The following HACE1 variants were observed in gnomAD, a reference collection of about 807,000 sequenced individuals.
HACE1 encodes the protein E3 ubiquitin-protein ligase HACE1.
A neutral mutation model predicts 118.4 loss-of-function variants in HACE1; 73 were observed. That is an observed-to-expected ratio of 0.62 (90% CI 0.51 to 0.75). HACE1 has a LOEUF of 0.75. Among genes scored for constraint, HACE1 ranks in the 30% least tolerant of loss-of-function variants. HACE1 has a pLI of 0.00. For missense variants in HACE1, 749 were observed against 1,102.2 expected (o/e 0.68, Z 4.54); for synonymous variants, 368 against 374.8 (o/e 0.98, Z 0.21).
At chr6:104,825,468 A>T (rs966072243) in intron 6 of HACE1, among the ~76,000 whole-genome samples, 3 of 151,808 alleles carry the variant, frequency 2.0e-5, no homozygotes, top group African/African-American at 7.2e-5. Context: ...CAATCAGACT[A>T]ACTGAAGGTA....
At chr6:104,792,629 TGAA>T (rs1783144895) in intron 10 of HACE1, among the ~76,000 whole-genome samples, 1 of 152,062 alleles carries the variant, frequency 6.6e-6, no homozygotes, top group Non-Finnish European at 1.5e-5. Context: ...GCCAAAAGGG[TGAA>T]GGTCATGATC....
Position 104,744,557 on chromosome 6 carries a change from A to AT in HACE1, c.2396dup (p.Asn799LysfsTer9). On this transcript the variant is annotated frameshift_variant, in exon 21 of 24. Transcript: ENST00000262903. LOFTEE classifies it high-confidence loss of function. ...TTTCATAGCCACTTGTGTATTCTGTATTTTTTATCCAATCACTCACATCAA... is the reference window on the plus strand; with the variant it reads ...TTTCATAGCCACTTGTGTATTCTGTATTTTTTTATCCAATCACTCACATCAA... 6.2e-7 allele frequency: 1 copy of AT among 1,606,686 alleles called. No homozygotes were observed. The highest frequency in any genetic ancestry group is 8.5e-7 in the Non-Finnish European group (1 of 1,173,414).
intron 7 of HACE1, among the ~76,000 whole-genome samples, chr6:104,801,529 T>C (rs574365086): frequency 2.5e-3 from 387 of 152,264 alleles, no homozygotes; most frequent in African/African-American, 8.9e-3. Context: ...CGGCAGAAAC[T>C]CTACAAGCCA....
chr6:104,775,098 T>C (rs1037632902), intron 17 of HACE1, among the ~76,000 whole-genome samples: 1 of 152,150 alleles, frequency 6.6e-6, no homozygotes, highest in African/African-American at 2.4e-5. Flanking sequence ...TCCCAGAACT[T>C]TGGGAGGCCG....
chr6:104,751,558 A>G (rs1215660740), intron 19 of HACE1, among the ~76,000 whole-genome samples: 1 of 152,174 alleles, frequency 6.6e-6, no homozygotes, highest in Non-Finnish European at 1.5e-5. Context: ...TGAGCCCAGG[A>G]GTTCGAGTCT....
At chr6:104,854,343 G>A (rs1312679506) in intron 1 of HACE1, among the ~76,000 whole-genome samples, 1 of 152,074 alleles carries the variant, frequency 6.6e-6, no homozygotes, top group Non-Finnish European at 1.5e-5. Context: ...AACAAACTCT[G>A]TAGTATAGTT....
chr6:104,773,810 GA>G (rs1429217440), intron 17 of HACE1, among the ~76,000 whole-genome samples: 10 of 149,712 alleles, frequency 6.7e-5, no homozygotes, highest in Non-Finnish European at 1.5e-4. Context: ...AAAATCTTCA[GA>G]AAAGGAGTAA....
intron 19 of HACE1, among the ~76,000 whole-genome samples, chr6:104,768,599 G>C (rs1429906429): frequency 2.0e-5 from 3 of 147,492 alleles, no homozygotes; most frequent in African/African-American, 2.5e-5. Flanking sequence ...GGTAACATTA[G>C]AAAAAAAAGG....
chr6:104,843,794 G>A (rs1320350000), intron 4 of HACE1, among the ~76,000 whole-genome samples: 1 of 151,880 alleles, frequency 6.6e-6, no homozygotes, highest in African/African-American at 2.4e-5. Context: ...TGGAGGGTGA[G>A]GAGGGGGATG....
intron 19 of HACE1, among the ~76,000 whole-genome samples, chr6:104,768,407 C>T (rs1351834105): frequency 6.6e-6 from 1 of 151,876 alleles, no homozygotes; most frequent in Non-Finnish European, 1.5e-5. Context: ...ATAGTATTTC[C>T]AAGAAACAGG....
chr6:104,824,889 CG>C (rs1773144012), intron 6 of HACE1: 1 of 150,262 alleles, frequency 6.7e-6, no homozygotes, highest in Non-Finnish European at 1.5e-5. Context: ...CTGGCTAACA[CG>C]GTGAAACCCC....
At chr6:104,737,013 G>C (rs1190630940) in intron 22 of HACE1, among the ~76,000 whole-genome samples, 1 of 152,044 alleles carries the variant, frequency 6.6e-6, no homozygotes, top group African/African-American at 2.4e-5. Context: ...GCCAGGCACG[G>C]TGGCTCACAC....
chr6:104,852,174 C>T (rs1043105348), intron 2 of HACE1, 143 bp downstream of exon 2: 28 of 646,126 alleles, frequency 4.3e-5, no homozygotes, highest in South Asian at 2.7e-4. Context: ...AATAACTTGC[C>T]CCAGAACATC....
chr6:104,856,040 A>C (rs879367258), intron 1 of HACE1, among the ~76,000 whole-genome samples: 4 of 152,238 alleles, frequency 2.6e-5, no homozygotes, highest in African/African-American at 7.2e-5. Flanking sequence ...TGCTAGAAGA[A>C]GACTATCCAA....
At chr6:104,735,998 T>C (rs1014619091) in intron 22 of HACE1, among the ~76,000 whole-genome samples, 1 of 151,850 alleles carries the variant, frequency 6.6e-6, no homozygotes, top group Non-Finnish European at 1.5e-5. Context: ...AAAGTAAAAA[T>C]TGTATATGTG....
intron 6 of HACE1, among the ~76,000 whole-genome samples, chr6:104,826,380 T>C (rs1403808163): frequency 6.6e-6 from 1 of 152,220 alleles, no homozygotes; most frequent in Non-Finnish European, 1.5e-5. Flanking sequence ...ACAAAATCTG[T>C]AGTGTACTAG....
chr6:104,768,655 A>G (rs758457880), intron 19 of HACE1, among the ~76,000 whole-genome samples: 5 of 152,154 alleles, frequency 3.3e-5, no homozygotes, highest in Non-Finnish European at 5.9e-5. Context: ...ATGAAAGCTG[A>G]GAATGTATAA....
chr6:104,795,465 AT>A (rs1399024021), intron 10 of HACE1, 113 bp downstream of exon 10: 1 of 745,030 alleles, frequency 1.3e-6, no homozygotes, highest in African/African-American at 1.7e-5. Context: ...AAGTCAGCAA[AT>A]TTTTATAACA....
chr6:104,771,612 C>T (rs919546506), intron 18 of HACE1, among the ~76,000 whole-genome samples: 13 of 149,336 alleles, frequency 8.7e-5, no homozygotes, highest in Admixed American at 4.7e-4. Context: ...AATAACTATT[C>T]AGGAAGTTAT....
Sources: gnomAD v4.1 joint callset for allele counts (sites outside exome capture counted in the v4.1 genomes callset) on GRCh38, gnomAD v4.1.1 for gene constraint, MANE v1.5 for transcripts, NCBI Gene and HGNC (gene_info 2026-07-23, HGNC 2026-07-21) for gene names.